Variants in TPRN observed in about 807,000 individuals in gnomAD.
The protein encoded by TPRN is chromosome 9 open reading frame 75.
TPRN carries 32 observed loss-of-function variants against 42.6 expected under a neutral mutation model. The observed-to-expected ratio is 0.75, with a 90% CI of 0.57 to 1.01. TPRN has a LOEUF of 1.01. Among genes scored for constraint, TPRN ranks in the 50% least tolerant of loss-of-function variants. The pLI is 0.00. For synonymous variants in TPRN, 541 were observed against 445.6 expected, an observed-to-expected ratio of 1.21 and a Z score of -2.70; for missense variants, 1,095 against 957.5, an observed-to-expected ratio of 1.14 and a Z score of -1.90.
At position 137,200,243 on chromosome 9, in the gene TPRN, G is replaced by C; in HGVS notation, c.469C>G (p.Pro157Ala). The change falls in exon 1 of 4, where the codon CCC (proline) becomes GCC (alanine). Residue 157 changes from proline (P) to alanine (A), a missense_variant. Coordinates refer to ENST00000409012, the MANE Select transcript of TPRN (RefSeq NM_001128228.3). The surrounding 1 kb of genome is among the most constrained non-coding windows in gnomAD (Gnocchi z 4.3). ...RRRGSPERAR[P>A]PPPPPPPAPP... Reference sequence around the variant, plus strand: ...GCGGGCGGCGGCGGCGGCGGCGGGGGGCGGGCGCGCTCGGGGCTCCCGCGG... The same window carrying C: ...GCGGGCGGCGGCGGCGGCGGCGGGGCGCGGGCGCGCTCGGGGCTCCCGCGG... 1 of 969,756 alleles carries C rather than the reference G, an allele frequency of 1.0e-6. No homozygotes were observed. The highest frequency in any genetic ancestry group is 1.2e-6 in the Non-Finnish European group (1 of 820,476). The allele number at this position is 969,756 out of a possible 1,614,324, so 60.1% of individuals were successfully genotyped here.
chr9:137,192,532 G>A lies in TPRN; in HGVS notation c.1885C>T (p.Pro629Ser). 6.2e-7 allele frequency: 1 copy of A among 1,608,140 alleles called. No individual in the cohort carries two copies. The highest frequency in any genetic ancestry group is 8.5e-7 in the Non-Finnish European group (1 of 1,177,476). The change falls in exon 2 of 4, where the codon CCC (proline) becomes TCC (serine). Residue 629 changes from proline to serine, a missense_variant. Physicochemically the swap from Pro to Ser is moderately conservative, Grantham distance 74 (BLOSUM62 -1). Coordinates refer to ENST00000409012, the MANE Select transcript of TPRN (RefSeq NM_001128228.3). ...EEEGSGSEEK[P>S]FALFLPRATF... ...GCCCGGGGCAGGAAGAGTGCAAAGG[G>A]CTTCTCCTCTGAGCCGGATCCCTCT...
chr9:137,191,999 G>T lies in TPRN; in HGVS notation c.*113C>A. ...CTGCTTCCAGGGCCAGGAGGGGTGG[G>T]TGGGATACAGTGAGGCCAAACAAGG... is the stretch of plus-strand genomic sequence containing the variant. On this transcript the variant is annotated 3_prime_UTR_variant, in exon 4 of 4. Transcript: ENST00000409012. 1 of 1,331,610 alleles carries T rather than the reference G, an allele frequency of 7.5e-7. No individual in the cohort carries two copies. 82.5% of individuals were successfully genotyped at this position (1,331,610 alleles called of 1,614,324 possible). A position where few individuals can be genotyped will look rare whatever the true frequency, so the allele number is the denominator to read the frequency against.
intron 1 of TPRN, among the ~76,000 whole-genome samples, chr9:137,197,456 TC>T (rs1242541685): frequency 3.3e-5 from 5 of 152,206 alleles, no homozygotes; most frequent in African/African-American, 1.2e-4. Context: ...TGGCCTCAAG[TC>T]CCAGGAAGAA....
In TPRN at chr9:137,192,482, G is replaced by C. The variant is rs756702985; in HGVS notation, c.1935C>G (p.Pro645=). The C allele has an allele frequency of 1.2e-6, 2 of 1,605,842 alleles. No homozygotes were observed. The highest frequency in any genetic ancestry group is 4.5e-5 in the East Asian group (2 of 44,378). The change falls in exon 2 of 4, where the codon CCC becomes CCG. Residue 645 remains proline (P), a synonymous_variant. Transcript: ENST00000409012. The part of the protein sequence containing the change: ...PRATFVSSVR[P]ESSRLPEGSS... ...TACCCTCTGGCAGCCGAGAGCTCTCGGGTCTCACGCTGCTCACAAACGTGG... is the reference window on the plus strand; with the variant it reads ...TACCCTCTGGCAGCCGAGAGCTCTCCGGTCTCACGCTGCTCACAAACGTGG...
rs1588771071 is a variant in TPRN at position 137,191,632 on chromosome 9, T to C, written c.*480A>G. The C allele has an allele frequency of 3.4e-6, 1 of 296,444 alleles. No individual in the cohort carries two copies. Among genetic ancestry groups the C allele is most frequent in the East Asian group, 8.1e-5 (1 of 12,356 alleles). The allele number at this position is 296,444 out of a possible 1,614,324, so 18.4% of individuals were successfully genotyped here. Reference sequence around the variant, plus strand: ...GGACACCAGCAGCCTTGTCCAGTGCTGTTTATTGAGTCCATCATCAGAGGC... The same window carrying C: ...GGACACCAGCAGCCTTGTCCAGTGCCGTTTATTGAGTCCATCATCAGAGGC... On this transcript the variant is annotated 3_prime_UTR_variant, in exon 4 of 4. Transcript: ENST00000409012.
rs1416632055 is a variant in TPRN, at chr9:137,200,020, C to T, written c.692G>A (p.Arg231Gln). ...CGCGAGGCGGTTGGCAGGGCCGGCC[C>T]GGGGCTCAGGGGCCGAGTGCCCGTT... ...LSNGHSAPEPRAGPANRLAGS... is the reference protein window; with the variant it reads ...LSNGHSAPEPQAGPANRLAGS... Residue 231 changes from arginine to glutamine, a missense_variant, in exon 1 of 4, where the codon CGG (arginine) becomes CAG (glutamine). By Grantham distance (43) the Arg-to-Gln change is conservative. Coordinates refer to ENST00000409012, the MANE Select transcript of TPRN (RefSeq NM_001128228.3). The surrounding 1 kb of genome is among the most constrained non-coding windows in gnomAD (Gnocchi z 4.3). 2.1e-6 allele frequency: 3 copies of T among 1,443,002 alleles called. No individual in the cohort carries two copies. Among genetic ancestry groups the T allele is most frequent in the Non-Finnish European group, 2.7e-6 (3 of 1,104,324 alleles). The allele number at this position is 1,443,002 out of a possible 1,614,324, so 89.4% of individuals were successfully genotyped here. A position where few individuals can be genotyped will look rare whatever the true frequency, so the allele number is the denominator to read the frequency against.
rs1834770751 is a variant in TPRN at position 137,199,733 on chromosome 9, AG to A, written c.978del (p.Ser327LeufsTer123). The A allele has an allele frequency of 6.2e-7, 1 of 1,611,848 alleles. No homozygotes were observed. The highest frequency in any genetic ancestry group is 8.5e-7 in the Non-Finnish European group (1 of 1,179,656). ...QARALASLRA[N>X]SRNSFMVIPK... ...GGGATGACCATGAAAGAATTTCGAG[AG>A]TTTGCGCGGAGGCTGGCCAGCGCCC... On this transcript the variant is annotated frameshift_variant, in exon 1 of 4. Coordinates refer to ENST00000409012, the MANE Select transcript of TPRN (RefSeq NM_001128228.3). LOFTEE classifies it high-confidence loss of function.
rs762795814 is a variant in TPRN, at chr9:137,199,250, C to CGGGCCTGGCAGGGTGCAG, written c.1444_1461dup (p.Leu482_Pro487dup). On this transcript the variant is annotated inframe_insertion, in exon 1 of 4. Coordinates refer to ENST00000409012, the MANE Select transcript of TPRN (RefSeq NM_001128228.3). ...CGGGGCTGAAGCTCTGCCACGCACC[C>CGGGCCTGGCAGGGTGCAG]GGGCCTGGCAGGGTGCAGAGGCCTG... The CGGGCCTGGCAGGGTGCAG allele has an allele frequency of 2.5e-6, 4 of 1,612,868 alleles. No individual in the cohort carries two copies. Among genetic ancestry groups the CGGGCCTGGCAGGGTGCAG allele is most frequent in the Admixed American group, 1.7e-5 (1 of 60,028 alleles).
intron 1 of TPRN, chr9:137,193,376 C>T: frequency 6.5e-6 from 1 of 152,924 alleles, no homozygotes; most frequent in Non-Finnish European, 1.5e-5. Flanking sequence ...GTGCCAGCAA[C>T]CCCAGCAGTG....
Position 137,199,959 on chromosome 9 carries a change from C to A in TPRN, c.753G>T (p.Lys251Asn), listed in dbSNP as rs540179025. Residue 251 changes from lysine (K) to asparagine (N), a missense_variant, in exon 1 of 4, where the codon AAG (lysine) becomes AAT (asparagine). Lys to Asn is a moderately conservative substitution (Grantham distance 94, BLOSUM62 0). Coordinates refer to ENST00000409012, the MANE Select transcript of TPRN (RefSeq NM_001128228.3). ...SPPGSGQWKP[K>N]VESGDPSLHP... is the part of the protein sequence containing the mutation. ...GGAGGGAGGGATCCCCCGACTCCAC[C>A]TTTGGCTTCCACTGTCCCGACCCAG... 2 of 1,481,812 alleles carry A rather than the reference C, an allele frequency of 1.3e-6. No individual in the cohort carries two copies. Among genetic ancestry groups the A allele is most frequent in the Non-Finnish European group, 1.8e-6 (2 of 1,116,804 alleles). The allele number at this position is 1,481,812 out of a possible 1,614,324, so 91.8% of individuals were successfully genotyped here.
In TPRN at chr9:137,199,922, TG is replaced by T; in HGVS notation, c.789del (p.Ser264AlafsTer186). The T allele has an allele frequency of 7.7e-6, 1 of 130,204 alleles. No homozygotes were observed. Among genetic ancestry groups the T allele is most frequent in the Non-Finnish European group, 1.3e-5 (1 of 77,334 alleles). The allele number at this position is 130,204 out of a possible 1,614,324, so 8.1% of individuals were successfully genotyped here. On this transcript the variant is annotated frameshift_variant, in exon 1 of 4. Coordinates refer to ENST00000409012, the MANE Select transcript of TPRN (RefSeq NM_001128228.3). LOFTEE classifies it high-confidence loss of function. The part of the protein sequence containing the change: ...ESGDPSLHPP[P>X]SPGTPSATPA... ...GGAGTGGCACTCGGGGTCCCGGGGC[TG>T]GGGGGCGGGTGGAGGGAGGGATCCC...
At chr9:137,195,913 G>A (rs1482595529) in intron 1 of TPRN, among the ~76,000 whole-genome samples, 2 of 152,178 alleles carry the variant, frequency 1.3e-5, no homozygotes, top group African/African-American at 2.4e-5. Flanking sequence ...TCCAAGCTCA[G>A]CCCTGCAAGA....
Position 137,192,368 on chromosome 9 carries a change from G to C in TPRN, c.1967-3C>G. The C allele has an allele frequency of 1.2e-6, 2 of 1,612,986 alleles. No individual in the cohort carries two copies. The highest frequency in any genetic ancestry group is 1.7e-6 in the Non-Finnish European group (2 of 1,180,002). On this transcript the variant is annotated splice_polypyrimidine_tract_variant and splice_region_variant and intron_variant, in intron 2 of 3. Coordinates refer to ENST00000409012, the MANE Select transcript of TPRN (RefSeq NM_001128228.3). ...CTTCGGGGTGTAGCTGGACAGGCCTGTGAATGGAGGTGCACATGCAGACGT... is the reference window on the plus strand; with the variant it reads ...CTTCGGGGTGTAGCTGGACAGGCCTCTGAATGGAGGTGCACATGCAGACGT...
chr9:137,192,247 C>G lies in TPRN; in HGVS notation c.2073+12G>C. 2 of 1,613,202 alleles carry G rather than the reference C, an allele frequency of 1.2e-6. No individual in the cohort carries two copies. Among genetic ancestry groups the G allele is most frequent in the Non-Finnish European group, 1.7e-6 (2 of 1,180,016 alleles). On this transcript the variant is annotated intron_variant, in intron 3 of 3. Coordinates refer to ENST00000409012, the MANE Select transcript of TPRN (RefSeq NM_001128228.3). ...CAGACTCCCCCCAGCGCTCCACTCC[C>G]CCGCATCTCACCATGGCCTCCACGG...
Position 137,192,700 on chromosome 9 carries a change from G to A in TPRN, c.1726-9C>T, listed in dbSNP as rs774529150. On this transcript the variant is annotated splice_polypyrimidine_tract_variant and intron_variant, in intron 1 of 3. Transcript: ENST00000409012. ...TTGAAGGAGATCTTCATCTGGGAGT[G>A]AGAGTCACGTGAACGAGGGCTGAGG... The A allele has an allele frequency of 2.9e-5, 46 of 1,613,342 alleles. No individual in the cohort carries two copies. The highest frequency in any genetic ancestry group is 3.3e-5 in the Non-Finnish European group (39 of 1,179,874).
At chr9:137,198,942 G>A in intron 1 of TPRN, 45 bp downstream of exon 1, 1 of 1,610,802 alleles carries the variant, frequency 6.2e-7, no homozygotes, top group Non-Finnish European at 8.5e-7. Context: ...TCTGTGAGCT[G>A]TCACTCTCTC....
intron 1 of TPRN, chr9:137,193,047 C>T (rs1588772259): frequency 3.1e-6 from 1 of 326,818 alleles, no homozygotes; most frequent in African/African-American, 2.1e-5. Flanking sequence ...TGGGGGGAAA[C>T]TGGGGTGGAC....
chr9:137,200,542 C>A lies in TPRN; in HGVS notation c.170G>T (p.Arg57Leu), dbSNP rs941222447. Residue 57 changes from arginine (R) to leucine (L), a missense_variant, in exon 1 of 4, where the codon CGC (arginine) becomes CTC (leucine). Physicochemically the swap from Arg to Leu is moderately radical, Grantham distance 102 (BLOSUM62 -2). Transcript: ENST00000409012. This position sits in a 1 kb window ranked among gnomAD's most constrained non-coding sequence, Gnocchi z 4.3. ...CTCCAGCAGCATGAACGGGTTCTCG[C>A]GCAGCGGGCCCAGGCTCTCGGCCAG... ...RVLAESLGPL[R>L]ENPFMLLEAE... The A allele has an allele frequency of 4.9e-5, 57 of 1,167,752 alleles. No individual in the cohort carries two copies. Among genetic ancestry groups the A allele is most frequent in the Non-Finnish European group, 5.9e-5 (56 of 947,524 alleles). The allele number at this position is 1,167,752 out of a possible 1,614,324, so 72.3% of individuals were successfully genotyped here.
chr9:137,192,167 G>A lies in TPRN; in HGVS notation c.2081C>T (p.Pro694Leu), dbSNP rs1449967673. The A allele has an allele frequency of 1.9e-6, 3 of 1,613,650 alleles. No individual in the cohort carries two copies. Among genetic ancestry groups the A allele is most frequent in the East Asian group, 4.5e-5 (2 of 44,880 alleles). The change falls in exon 4 of 4, where the codon CCC becomes CTC. Residue 694 changes from proline (P) to leucine (L), a missense_variant. Pro to Leu is a moderately conservative substitution (Grantham distance 98). Transcript: ENST00000409012. ...GTCCGAGAGGTCATTCTGACTGGCG[G>A]GTGTGAGCTGAAAGTGAGAGGACAG... ...EPPPVEAMLT[P>L]ASQNDLSDFR...
Sources: allele counts gnomAD v4.1 joint callset (sites outside exome capture counted in the v4.1 genomes callset), GRCh38; gene constraint gnomAD v4.1.1; non-coding constraint Gnocchi (gnomAD v3.1); transcripts MANE v1.5; gene names NCBI Gene and HGNC (gene_info 2026-07-23, HGNC 2026-07-21).